C12orf42: variants seen among roughly 807,000 people sequenced by gnomAD.
C12orf42 encodes chromosome 12 open reading frame 42.
Under a neutral mutation model 21.6 loss-of-function variants are expected in C12orf42, and 25 were observed. The ratio of observed to expected loss-of-function variants is 1.16; its 90% confidence interval spans 0.84 to 1.62. C12orf42 has a LOEUF of 1.62. Among genes scored for constraint, C12orf42 ranks in the 40% most tolerant of loss-of-function variants. The pLI is 0.00. For synonymous variants in C12orf42, 174 were observed against 175.0 expected, an observed-to-expected ratio of 0.99 and a Z score of 0.05; for missense variants, 483 against 459.3, an observed-to-expected ratio of 1.05 and a Z score of -0.47.
chr12:103,510,316 C>T, the C12orf42 span, among the ~76,000 whole-genome samples: 1 of 152,060 alleles, frequency 6.6e-6, no homozygotes, highest in Non-Finnish European at 1.5e-5. Flanking sequence ...TGATAGGATA[C>T]AAAGGCATAA....
intron 2 of C12orf42, among the ~76,000 whole-genome samples, chr12:103,474,578 CATG>C (rs1953901758): frequency 6.8e-6 from 1 of 147,970 alleles, no homozygotes; most frequent in Non-Finnish European, 1.5e-5. Flanking sequence ...TCTAAAGAAC[CATG>C]ATAAGTTTGT....
chr12:103,266,501 G>T (rs996623720), downstream of C12orf42, among the ~76,000 whole-genome samples: 1 of 151,930 alleles, frequency 6.6e-6, no homozygotes, highest in Non-Finnish European at 1.5e-5. Context: ...TACCCCTTGT[G>T]GTTTCTAAAT....
downstream of C12orf42, chr12:103,267,908 A>G (rs1345968631): frequency 6.6e-6 from 1 of 152,204 alleles, no homozygotes; most frequent in Non-Finnish European, 1.5e-5. Context: ...AAGGAAAAAC[A>G]TAAACTTTAG....
chr12:103,478,582 A>ATT, intron 1 of C12orf42, 135 bp from the exon 2 acceptor site: 2 of 403,878 alleles, frequency 5.0e-6, no homozygotes, highest in Non-Finnish European at 8.6e-6. Flanking sequence ...GACTTTCAAT[A>ATT]ATTTTTTTTT....
chr12:103,306,199 C>A lies in C12orf42; in HGVS notation c.406G>T (p.Glu136Ter), dbSNP rs372635785. 2.5e-6 allele frequency: 4 copies of A among 1,613,812 alleles called. No individual in the cohort carries two copies. In the African/African-American group the frequency reaches 4.0e-5, roughly 16 times the overall value. The change falls in exon 5 of 6, where the codon GAA becomes TAA. Residue 136 changes from glutamate to a stop codon, truncating the protein, a stop_gained. Coordinates refer to ENST00000548883, the MANE Select transcript of C12orf42 (RefSeq NM_198521.5). LOFTEE classifies it high-confidence loss of function. ...EFRSSPAPSS[E>*]TDEAPLIFTA... ...AAAATCAATGGGGCCTCATCAGTTT[C>A]ACTGGATGGTGCTGGAGAGGAACGG...
intron 2 of C12orf42, among the ~76,000 whole-genome samples, chr12:103,425,916 C>A (rs975006213): frequency 2.0e-5 from 3 of 152,070 alleles, no homozygotes; most frequent in African/African-American, 7.2e-5. Context: ...GGGAAATCCA[C>A]CAACTCAAAA....
chr12:103,359,867 T>C (rs2043931413), intron 4 of C12orf42, among the ~76,000 whole-genome samples: 2 of 151,866 alleles, frequency 1.3e-5, no homozygotes, highest in Non-Finnish European at 2.9e-5. Flanking sequence ...TTTTTCTTTG[T>C]TGAATGACTT....
chr12:103,109,001 A>G, the C12orf42 span, among the ~76,000 whole-genome samples: 1 of 152,326 alleles, frequency 6.6e-6, no homozygotes, highest in East Asian at 1.9e-4. Context: ...AAGACTTAAT[A>G]TCATAGGATG....
the C12orf42 span, among the ~76,000 whole-genome samples, chr12:103,205,419 C>T: frequency 1.4e-4 from 21 of 152,180 alleles, no homozygotes; most frequent in East Asian, 3.7e-3. Flanking sequence ...AGGGGAACTC[C>T]CCTTTATAAA....
chr12:103,232,925 C>A (rs1034366193), downstream of C12orf42, among the ~76,000 whole-genome samples: 9 of 151,698 alleles, frequency 5.9e-5, no homozygotes, highest in African/African-American at 2.2e-4. Flanking sequence ...AATAGTTGTA[C>A]CTATTGGGGG....
the C12orf42 span, among the ~76,000 whole-genome samples, chr12:103,124,952 T>C: frequency 2.0e-5 from 3 of 152,186 alleles, no homozygotes; most frequent in South Asian, 6.2e-4. Context: ...TTTTAATTCA[T>C]TATCAGAAAG....
chr12:103,400,296 A>G (rs964496876), intron 3 of C12orf42, among the ~76,000 whole-genome samples: 4 of 152,208 alleles, frequency 2.6e-5, no homozygotes, highest in African/African-American at 9.7e-5. Flanking sequence ...TTGCTGCAGT[A>G]TGAGCTAAAT....
the C12orf42 span, among the ~76,000 whole-genome samples, chr12:103,507,086 A>AATT: frequency 8.6e-5 from 1 of 11,672 alleles, no homozygotes; most frequent in African/African-American, 7.8e-4. Flanking sequence ...ATTTATATAT[A>AATT]ATATATATTA....
intron 1 of C12orf42, among the ~76,000 whole-genome samples, chr12:103,489,434 T>C (rs138223875): frequency 0.011 from 1,663 of 152,340 alleles, 13 homozygotes; most frequent in Non-Finnish European, 0.017. Context: ...AAGCAGTCTG[T>C]CTGTTCTCAG....
At chr12:103,083,773 T>C in the C12orf42 span, among the ~76,000 whole-genome samples, 2 of 152,204 alleles carry the variant, frequency 1.3e-5, no homozygotes, top group African/African-American at 4.8e-5. Context: ...TGAAATAGAA[T>C]ATAAACAATG....
the C12orf42 span, among the ~76,000 whole-genome samples, chr12:103,544,963 C>A: frequency 6.6e-6 from 1 of 152,172 alleles, no homozygotes; most frequent in Non-Finnish European, 1.5e-5. Flanking sequence ...CTTACACTTC[C>A]CACTTTGAAT....
At position 103,391,894 on chromosome 12, in the gene C12orf42, C is replaced by T. The variant is rs143336795; in HGVS notation, c.147+9713G>A. Among the ~76,000 whole-genome samples the T allele has an allele frequency of 9.7e-4, 147 of 152,120 alleles. 1 individual carries two copies. The highest frequency in any genetic ancestry group is 3.3e-3 in the African/African-American group (136 of 41,538). On this transcript the variant is annotated intron_variant, in intron 3 of 5. Transcript: ENST00000548883. ...ATGCTTTTGTGTCATATTTAAGAAACCATTACCAAATCTAAGGTCATGAAT... is the reference window on the plus strand; with the variant it reads ...ATGCTTTTGTGTCATATTTAAGAAATCATTACCAAATCTAAGGTCATGAAT...
At chr12:103,528,783 G>C in the C12orf42 span, among the ~76,000 whole-genome samples, 1 of 152,116 alleles carries the variant, frequency 6.6e-6, no homozygotes, top group Non-Finnish European at 1.5e-5. Flanking sequence ...TTCCTTTATA[G>C]CAACACCAAA....
intron 2 of C12orf42, among the ~76,000 whole-genome samples, chr12:103,440,270 AG>A (rs1332088989): frequency 1.2e-5 from 1 of 82,666 alleles, no homozygotes; most frequent in Non-Finnish European, 2.3e-5. Context: ...GGGTCGGGGG[AG>A]GGGGGAGGGA....
Sources: gnomAD v4.1 joint callset for allele counts (sites outside exome capture counted in the v4.1 genomes callset) on GRCh38, gnomAD v4.1.1 for gene constraint, MANE v1.5 for transcripts, NCBI Gene and HGNC (gene_info 2026-07-23, HGNC 2026-07-21) for gene names.